ASPH: variants seen among roughly 807,000 people sequenced by gnomAD.
ASPH encodes the protein aspartate beta-hydroxylase.
A neutral mutation model predicts 118.4 loss-of-function variants in ASPH; 100 were observed. That is an observed-to-expected ratio of 0.84 (90% confidence interval 0.72 to 1.00). ASPH has a LOEUF of 1.00. ASPH is among the 50% of genes least tolerant of loss of function. The pLI is 0.00. For synonymous variants in ASPH, 315 were observed against 325.6 expected (o/e 0.97, Z 0.35); for missense variants, 920 against 919.5 (o/e 1.00, Z -0.01).
At chr8:61,525,786 A>G (rs541304374) in intron 22 of ASPH, among the ~76,000 whole-genome samples, 191 bp downstream of exon 22, 12 of 152,346 alleles carry the variant, frequency 7.9e-5, no homozygotes, top group Non-Finnish European at 1.3e-4. Context: ...ATATACCTGG[A>G]CACATACAAA....
intron 24 of ASPH, among the ~76,000 whole-genome samples, chr8:61,510,169 T>C (rs1808261706): frequency 6.6e-6 from 1 of 152,222 alleles, no homozygotes; most frequent in Non-Finnish European, 1.5e-5. Context: ...TGCATTCATA[T>C]GGATTACTTT....
At chr8:61,668,423 C>A in intron 3 of ASPH, 1 of 603,446 alleles carries the variant, frequency 1.7e-6, no homozygotes, top group Admixed American at 3.5e-5. Context: ...TCCAATATCT[C>A]TCTTATTTGT....
At chr8:61,564,906 T>C (rs545856404) in intron 17 of ASPH, among the ~76,000 whole-genome samples, 6 of 152,354 alleles carry the variant, frequency 3.9e-5, no homozygotes, top group South Asian at 4.1e-4. Flanking sequence ...AATCTGTCCA[T>C]GTAACTATCT....
At chr8:61,633,875 C>A (rs1272541879) in intron 12 of ASPH, 148 bp from the exon 13 acceptor site, 3 of 566,750 alleles carry the variant, frequency 5.3e-6, no homozygotes, top group South Asian at 5.5e-5. Flanking sequence ...GGCTTCTATA[C>A]CCTCACAACA....
At chr8:61,624,809 A>T (rs1471402951) in intron 13 of ASPH, 1 of 985,696 alleles carries the variant, frequency 1.0e-6, no homozygotes, top group Admixed American at 6.1e-5. Flanking sequence ...GCTTTATAAA[A>T]AGTAGCTTCT....
At chr8:61,608,832 T>C (rs563108973) in intron 14 of ASPH, among the ~76,000 whole-genome samples, 1 of 152,202 alleles carries the variant, frequency 6.6e-6, no homozygotes, top group Non-Finnish European at 1.5e-5. Flanking sequence ...TACCGCACTT[T>C]CTTCTTCCTC....
At chr8:61,693,607 G>A (rs922462226) in intron 1 of ASPH, among the ~76,000 whole-genome samples, 1 of 152,062 alleles carries the variant, frequency 6.6e-6, no homozygotes, top group African/African-American at 2.4e-5. Context: ...ACCACCACTG[G>A]GGAAGGCCAC....
rs560980375 is a variant in ASPH at position 61,667,501 on chromosome 8, G to A, written c.322+13467C>T. Among the ~76,000 whole-genome samples, 4 of 152,150 alleles carry A rather than the reference G, an allele frequency of 2.6e-5. No homozygotes were observed. The South Asian group carries it at 6.2e-4, about 24-fold the overall frequency. On this transcript the variant is annotated intron_variant, in intron 3 of 24. Coordinates refer to ENST00000379454, the MANE Select transcript of ASPH (RefSeq NM_004318.4). ...TCTGCCTCAGCCTCCTGAGTAGGTG[G>A]GATTACAGGTGCCTGCCACCAAGTC...
intron 18 of ASPH, among the ~76,000 whole-genome samples, chr8:61,556,362 G>A (rs1177903927): frequency 2.0e-5 from 3 of 152,212 alleles, no homozygotes; most frequent in African/African-American, 7.2e-5. Context: ...ATTTTTTAGT[G>A]ATCAAGGGAA....
intron 21 of ASPH, among the ~76,000 whole-genome samples, chr8:61,543,256 A>C (rs1007620279): frequency 2.0e-5 from 3 of 152,052 alleles, no homozygotes; most frequent in African/African-American, 7.2e-5. Context: ...TCCATTATGC[A>C]TATGCTGGTA....
chr8:61,662,998 C>T (rs1243432003), intron 3 of ASPH: 1 of 985,298 alleles, frequency 1.0e-6, no homozygotes, highest in Non-Finnish European at 1.2e-6. Flanking sequence ...AACAAATTCA[C>T]TTATAATTGT....
At position 61,644,731 on chromosome 8, in the gene ASPH, A is replaced by C. The variant is rs577613809; in HGVS notation, c.620-99T>G. On this transcript the variant is annotated intron_variant, in intron 6 of 24. Coordinates refer to ENST00000379454, the MANE Select transcript of ASPH (RefSeq NM_004318.4). ...TGAATCTATGCTTATCATTAATTTT[A>C]TTTAAAAAATTAAAAAATGGGACTA... 5.5e-6 allele frequency: 5 copies of C among 904,226 alleles called. No individual in the cohort carries two copies. In the Admixed American group the frequency reaches 1.6e-4, roughly 28 times the overall value. The allele number at this position is 904,226 out of a possible 1,614,324, so 56.0% of individuals were successfully genotyped here. A position where few individuals can be genotyped will look rare whatever the true frequency, so the allele number is the denominator to read the frequency against.
chr8:61,509,157 T>C (rs566190915), intron 24 of ASPH, among the ~76,000 whole-genome samples: 137 of 152,244 alleles, frequency 9.0e-4, no homozygotes, highest in Middle Eastern at 6.8e-3. Context: ...GAAAAAGTCA[T>C]AGTGTTACTG....
At chr8:61,530,807 C>T (rs781592016) in intron 21 of ASPH, among the ~76,000 whole-genome samples, 1 of 152,104 alleles carries the variant, frequency 6.6e-6, no homozygotes, top group African/African-American at 2.4e-5. Flanking sequence ...GTATAACTCC[C>T]GGCTAATTAT....
chr8:61,540,963 G>C (rs555743228), intron 21 of ASPH, among the ~76,000 whole-genome samples: 6 of 151,932 alleles, frequency 3.9e-5, no homozygotes, highest in Non-Finnish European at 8.8e-5. Context: ...AAAAAATTAA[G>C]AAAGGGAAAT....
intron 13 of ASPH, among the ~76,000 whole-genome samples, chr8:61,630,799 T>C (rs1855204255): frequency 6.6e-6 from 1 of 152,196 alleles, no homozygotes; most frequent in South Asian, 2.1e-4. Flanking sequence ...TTTTAGACTA[T>C]ATTCTTACTT....
At chr8:61,588,989 G>A (rs1339476054) in intron 14 of ASPH, among the ~76,000 whole-genome samples, 3 of 152,198 alleles carry the variant, frequency 2.0e-5, no homozygotes, top group Non-Finnish European at 2.9e-5. Context: ...ATTATGTTAA[G>A]TGAAAGTGGC....
intron 3 of ASPH, among the ~76,000 whole-genome samples, chr8:61,671,443 C>T (rs770117545): frequency 1.3e-5 from 2 of 152,122 alleles, no homozygotes; most frequent in East Asian, 1.9e-4. Context: ...TCTATCAATT[C>T]GAGCAAAAAT....
chr8:61,620,045 A>C (rs1244599867), intron 13 of ASPH, among the ~76,000 whole-genome samples: 5 of 152,212 alleles, frequency 3.3e-5, no homozygotes, highest in Admixed American at 1.3e-4. Flanking sequence ...CATTCATATA[A>C]AACATTTCAA....
Sources: gnomAD v4.1 joint callset for allele counts (sites outside exome capture counted in the v4.1 genomes callset) on GRCh38, gnomAD v4.1.1 for gene constraint, MANE v1.5 for transcripts, NCBI Gene and HGNC (gene_info 2026-07-23, HGNC 2026-07-21) for gene names.